Variants in NHLRC3 observed in about 807,000 individuals in gnomAD.
NHLRC3 encodes NHL repeat-containing protein 3.
Under a neutral mutation model 32.0 loss-of-function variants are expected in NHLRC3, and 23 were observed. The ratio of observed to expected loss-of-function variants is 0.72; its 90% CI spans 0.52 to 1.02. The LOEUF (loss-of-function observed/expected upper bound fraction) is 1.02. Among genes scored for constraint, NHLRC3 ranks in the 50% least tolerant of loss-of-function variants. NHLRC3 has a pLI of 0.00. For synonymous variants in NHLRC3, 159 were observed against 147.9 expected (o/e 1.08, Z -0.55); for missense variants, 407 against 406.8 (o/e 1.00, Z -0.01).
At chr13:39,043,270 A>G (rs995996011) in intron 4 of NHLRC3, among the ~76,000 whole-genome samples, 4 of 152,230 alleles carry the variant, frequency 2.6e-5, no homozygotes, top group African/African-American at 9.6e-5. Flanking sequence ...ATATAAGTGT[A>G]TTAGTTTCCT....
intron 1 of NHLRC3, 58 bp from the exon 2 acceptor site, chr13:39,039,078 C>CGG: frequency 2.9e-6 from 3 of 1,038,058 alleles, no homozygotes; most frequent in Non-Finnish European, 4.3e-6. Flanking sequence ...CCCCCCCGCC[C>CGG]TTTTTTTGTT....
intron 5 of NHLRC3, 37 bp downstream of exon 5, chr13:39,044,218 T>C: frequency 7.3e-7 from 1 of 1,371,294 alleles, no homozygotes; most frequent in South Asian, 1.2e-5. Flanking sequence ...GGACTTTGTG[T>C]CTGAATATGT....
rs1266584938 is a variant in NHLRC3, at chr13:39,039,839, CAT to C, written c.385+129_385+130del. 38 of 683,910 alleles carry C rather than the reference CAT, an allele frequency of 5.6e-5. No individual in the cohort carries two copies. The African/African-American group carries it at 6.3e-4, about 11-fold the overall frequency. The allele number at this position is 683,910 out of a possible 1,614,324, so 42.4% of individuals were successfully genotyped here. On this transcript the variant is annotated intron_variant, in intron 3 of 6. Transcript: ENST00000379600. Reference sequence around the variant, plus strand: ...ATTTCTTTAACGATTCATGAAATCACATGTTTTTAACAAACTTTATTTTGTAC... The same window carrying C: ...ATTTCTTTAACGATTCATGAAATCACGTTTTTAACAAACTTTATTTTGTAC...
chr13:39,043,964 C>T (rs138095216), intron 4 of NHLRC3, 126 bp from the exon 5 acceptor site: 24 of 713,172 alleles, frequency 3.4e-5, no homozygotes, highest in African/African-American at 2.1e-4. Flanking sequence ...ACAGGAAAGC[C>T]GAGAAAGCAT....
In NHLRC3 at chr13:39,047,917, T is replaced by TTAA; in HGVS notation, c.1035_1036insTAA (p.Phe345_Gly346insTer). On this transcript the variant is annotated stop_gained and inframe_insertion, in exon 7 of 7. Transcript: ENST00000379600. LOFTEE classifies it high-confidence loss of function. ...CTTTGAATAGCTATGTTCCTTCATT[T>TTAA]GGTTCATAATGTTTCTTTCCTGGGA... is the stretch of plus-strand genomic sequence containing the variant. The TTAA allele has an allele frequency of 6.3e-7, 1 of 1,595,812 alleles. No homozygotes were observed. Among genetic ancestry groups the TTAA allele is most frequent in the Non-Finnish European group, 8.6e-7 (1 of 1,165,268 alleles).
chr13:39,046,464 A>G (rs1271991136), intron 5 of NHLRC3, among the ~76,000 whole-genome samples: 1 of 152,162 alleles, frequency 6.6e-6, no homozygotes, highest in African/African-American at 2.4e-5. Flanking sequence ...AATTAAACCT[A>G]TTACTGTTCT....
At chr13:39,038,362 A>G (rs562011326), upstream of NHLRC3, 2 of 496,576 alleles carry the variant, frequency 4.0e-6, no homozygotes, top group South Asian at 2.4e-5. Context: ...TGAGGGCGGG[A>G]AAGGGTGGTC....
Position 39,048,206 on chromosome 13 carries a change from C to T in NHLRC3, c.*280C>T, listed in dbSNP as rs1871764147. 4.3e-6 allele frequency: 1 copy of T among 232,408 alleles called. No individual in the cohort carries two copies. Among genetic ancestry groups the T allele is most frequent in the East Asian group, 8.5e-5 (1 of 11,768 alleles). 14.4% of individuals were successfully genotyped at this position (232,408 alleles called of 1,614,324 possible). On this transcript the variant is annotated 3_prime_UTR_variant, in exon 7 of 7. Coordinates refer to ENST00000379600, the MANE Select transcript of NHLRC3 (RefSeq NM_001012754.4). ...TAACCTCATTATTTGCCCTGGTAGA[C>T]TGATTCTCCCTGGGTAAAAAAAATG...
intron 3 of NHLRC3, chr13:39,041,894 A>G: frequency 2.0e-6 from 1 of 496,524 alleles, no homozygotes. Flanking sequence ...GAATCCGCTT[A>G]TTTTGGACTA....
In NHLRC3 at chr13:39,047,963, G is replaced by T; in HGVS notation, c.*37G>T. ...TGGGAATATTTCAAGTGGCAGTTCA[G>T]ATTCTCAATTCACTAAGTGCTTAAA... On this transcript the variant is annotated 3_prime_UTR_variant, in exon 7 of 7. Coordinates refer to ENST00000379600, the MANE Select transcript of NHLRC3 (RefSeq NM_001012754.4). 1 of 1,535,204 alleles carries T rather than the reference G, an allele frequency of 6.5e-7. No individual in the cohort carries two copies. Among genetic ancestry groups the T allele is most frequent in the Non-Finnish European group, 8.9e-7 (1 of 1,121,342 alleles).
intron 4 of NHLRC3, among the ~76,000 whole-genome samples, chr13:39,043,239 G>A (rs560373046): frequency 7.2e-5 from 11 of 152,284 alleles, no homozygotes; most frequent in South Asian, 2.1e-4. Flanking sequence ...AAGAAACAAC[G>A]AAATCTAGGA....
chr13:39,039,883 A>C, intron 3 of NHLRC3, 172 bp downstream of exon 3: 3 of 542,540 alleles, frequency 5.5e-6, no homozygotes, highest in Non-Finnish European at 9.5e-6. Flanking sequence ...GGAATTAAGA[A>C]ATTTAACAAG....
At chr13:39,043,139 A>G (rs1871526660) in intron 4 of NHLRC3, among the ~76,000 whole-genome samples, 1 of 152,216 alleles carries the variant, frequency 6.6e-6, no homozygotes, top group Non-Finnish European at 1.5e-5. Context: ...CTGTGTAGTC[A>G]ATTTATCAAT....
Position 39,038,669 on chromosome 13 carries a change from T to C in NHLRC3, c.30T>C (p.Gly10=). Reference sequence around the variant, plus strand: ...CGAGATTCTGGGTCTGCGTAGCCGGTGCTGGCTTCTTTCTTGCATTTTTGG... The same window carrying C: ...CGAGATTCTGGGTCTGCGTAGCCGGCGCTGGCTTCTTTCTTGCATTTTTGG... MARFWVCVA[G]AGFFLAFLVL... is the part of the protein sequence containing the mutation. The change falls in exon 1 of 7, where the codon GGT becomes GGC. Residue 10 remains glycine, a synonymous_variant. Coordinates refer to ENST00000379600, the MANE Select transcript of NHLRC3 (RefSeq NM_001012754.4). 1.9e-6 allele frequency: 3 copies of C among 1,614,146 alleles called. 1 individual carries two copies. The highest frequency in any genetic ancestry group is 2.5e-6 in the Non-Finnish European group (3 of 1,180,026).
intron 4 of NHLRC3, among the ~76,000 whole-genome samples, chr13:39,042,994 T>C (rs938298276): frequency 2.0e-5 from 3 of 152,282 alleles, no homozygotes; most frequent in South Asian, 4.2e-4. Flanking sequence ...TGAAGTCTTA[T>C]TTGAGGATTA....
At chr13:39,043,954 A>C in intron 4 of NHLRC3, 136 bp from the exon 5 acceptor site, 1 of 694,062 alleles carries the variant, frequency 1.4e-6, no homozygotes, top group Non-Finnish European at 2.5e-6. Context: ...GGGCATATAG[A>C]CAGGAAAGCC....
At chr13:39,042,628 C>G (rs1218003553) in intron 4 of NHLRC3, among the ~76,000 whole-genome samples, 1 of 152,178 alleles carries the variant, frequency 6.6e-6, no homozygotes, top group Non-Finnish European at 1.5e-5. Context: ...ATCCCAGACT[C>G]AAGTATCCTA....
intron 5 of NHLRC3, among the ~76,000 whole-genome samples, chr13:39,046,623 T>A (rs1463120821): frequency 6.6e-6 from 1 of 152,240 alleles, no homozygotes; most frequent in African/African-American, 2.4e-5. Flanking sequence ...GTAAGGCTGC[T>A]TTTCTTTGTC....
chr13:39,038,992 C>G, intron 1 of NHLRC3, 144 bp from the exon 2 acceptor site: 2 of 688,002 alleles, frequency 2.9e-6, no homozygotes, highest in Non-Finnish European at 5.0e-6. Context: ...CATCTAAGCT[C>G]ATTTCTTTGG....
Sources: allele counts gnomAD v4.1 joint callset (sites outside exome capture counted in the v4.1 genomes callset), GRCh38; gene constraint gnomAD v4.1.1; transcripts MANE v1.5; gene names NCBI Gene and HGNC (gene_info 2026-07-23, HGNC 2026-07-21).